The following IL1RAPL2 variants were observed in gnomAD, a reference collection of about 807,000 sequenced individuals.
IL1RAPL2 encodes the protein interleukin 1 receptor accessory protein like 2, also known as X-linked interleukin-1 receptor accessory protein-like 2.
A neutral mutation model predicts 44.1 loss-of-function variants in IL1RAPL2; 3 were observed. That is an observed-to-expected ratio of 0.07 (90% CI 0.03 to 0.18). The LOEUF (loss-of-function observed/expected upper bound fraction) is 0.18. Ranked by LOEUF, IL1RAPL2 falls within the 10% of genes least tolerant of loss-of-function variation. IL1RAPL2 has a pLI of 1.00. For synonymous variants in IL1RAPL2, 181 were observed against 178.8 expected, an observed-to-expected ratio of 1.01 and a Z score of -0.10; for missense variants, 391 against 496.4, an observed-to-expected ratio of 0.79 and a Z score of 2.02.
At chrX:104,952,706 C>T (rs770053568) in intron 2 of IL1RAPL2, among the ~76,000 whole-genome samples, 4 of 111,441 alleles carry the variant, frequency 3.6e-5, no homozygotes, top group Non-Finnish European at 5.7e-5. Flanking sequence ...ATGCATTCAT[C>T]AGCTGATAAA....
At chrX:105,116,678 T>A (rs1163869559) in intron 2 of IL1RAPL2, among the ~76,000 whole-genome samples, 1 of 112,451 alleles carries the variant, frequency 8.9e-6, no homozygotes, top group African/African-American at 3.2e-5. Context: ...GTTTGAAACG[T>A]CCTTTTGTAA....
chrX:104,673,101 A>G (rs1207474041), intron 2 of IL1RAPL2, among the ~76,000 whole-genome samples: 2 of 111,818 alleles, frequency 1.8e-5, no homozygotes, highest in Non-Finnish European at 3.8e-5. Flanking sequence ...CTTTAGCTTA[A>G]TTAGATCCCA....
intron 6 of IL1RAPL2, among the ~76,000 whole-genome samples, chrX:105,506,057 T>G (rs1189404494): frequency 2.7e-5 from 3 of 111,618 alleles, no homozygotes; most frequent in Non-Finnish European, 3.8e-5. Context: ...ACATGTTTCT[T>G]GTCTTTAAGA....
intron 1 of IL1RAPL2, among the ~76,000 whole-genome samples, chrX:104,650,214 CT>C (rs1479867833): frequency 2.7e-5 from 3 of 111,276 alleles, no homozygotes; most frequent in African/African-American, 9.8e-5. Flanking sequence ...GGGGAAGACT[CT>C]TTTTAGGAAA....
At chrX:104,721,383 C>G (rs777525488) in intron 2 of IL1RAPL2, among the ~76,000 whole-genome samples, 19 of 110,345 alleles carry the variant, frequency 1.7e-4, no homozygotes, top group African/African-American at 6.3e-4. Context: ...TTTGCAGGGA[C>G]ACAGATGGAG....
At chrX:105,110,001 A>G (rs907179234) in intron 2 of IL1RAPL2, among the ~76,000 whole-genome samples, 8 of 112,037 alleles carry the variant, frequency 7.1e-5, no homozygotes. Flanking sequence ...GAGATTATGT[A>G]ATTCAACTAT....
At chrX:105,637,645 C>T (rs2037534045) in intron 6 of IL1RAPL2, among the ~76,000 whole-genome samples, 2 of 109,937 alleles carry the variant, frequency 1.8e-5, no homozygotes, top group Non-Finnish European at 3.8e-5. Flanking sequence ...ATAGCAAAGA[C>T]TCAACTTGAA....
intron 2 of IL1RAPL2, among the ~76,000 whole-genome samples, chrX:105,021,309 A>C (rs2031278427): frequency 1.8e-5 from 2 of 111,387 alleles, no homozygotes; most frequent in Non-Finnish European, 3.8e-5. Context: ...GGGTCAGGGA[A>C]AATTACACTG....
chrX:105,453,705 A>G (rs1282243490), intron 5 of IL1RAPL2, among the ~76,000 whole-genome samples: 6 of 112,024 alleles, frequency 5.4e-5, no homozygotes. Context: ...TAGGGCAAGG[A>G]AAATAGTCAT....
intron 6 of IL1RAPL2, among the ~76,000 whole-genome samples, chrX:105,502,088 TA>T (rs1291425787): frequency 1.8e-5 from 2 of 112,183 alleles, no homozygotes; most frequent in African/African-American, 6.5e-5. Flanking sequence ...GAATATTGTC[TA>T]AAACAAAAGC....
At chrX:105,524,973 T>C (rs988859761) in intron 6 of IL1RAPL2, among the ~76,000 whole-genome samples, 1 of 111,619 alleles carries the variant, frequency 9.0e-6, no homozygotes, top group Non-Finnish European at 1.9e-5. Context: ...TTAGCTGTAA[T>C]AGTATCATGA....
chrX:105,266,616 A>C (rs1474165793), intron 4 of IL1RAPL2, among the ~76,000 whole-genome samples: 1 of 112,011 alleles, frequency 8.9e-6, no homozygotes, highest in Non-Finnish European at 1.9e-5. Flanking sequence ...CAATCTTGGT[A>C]GCAAGATTCC....
At chrX:105,059,425 A>G (rs1040810813) in intron 2 of IL1RAPL2, among the ~76,000 whole-genome samples, 2 of 112,177 alleles carry the variant, frequency 1.8e-5, no homozygotes, top group East Asian at 5.6e-4. Flanking sequence ...ATGACCTCCA[A>G]TTTCATCCAT....
At chrX:105,658,682 G>T (rs1307501511) in intron 6 of IL1RAPL2, among the ~76,000 whole-genome samples, 1 of 109,013 alleles carries the variant, frequency 9.2e-6, no homozygotes, top group South Asian at 4.0e-4. Flanking sequence ...AAAAATTGCC[G>T]AGGTGTGGTG....
intron 2 of IL1RAPL2, among the ~76,000 whole-genome samples, chrX:104,797,569 G>A (rs1382096190): frequency 8.9e-6 from 1 of 111,829 alleles, no homozygotes; most frequent in Non-Finnish European, 1.9e-5. Context: ...GTTTAACTTT[G>A]TTTAATCTAG....
At chrX:105,616,291 G>A (rs1453452085) in intron 6 of IL1RAPL2, among the ~76,000 whole-genome samples, 2 of 111,521 alleles carry the variant, frequency 1.8e-5, no homozygotes, top group African/African-American at 6.5e-5. Flanking sequence ...GTATATGGGT[G>A]TTCTTGGTAC....
At chrX:104,790,578 AT>A (rs377511501) in intron 2 of IL1RAPL2, among the ~76,000 whole-genome samples, 250 of 105,430 alleles carry the variant, frequency 2.4e-3, no homozygotes, top group South Asian at 0.013. Flanking sequence ...TTTGTGAAAC[AT>A]TTTTTTTTTT....
chrX:104,908,508 A>G (rs1253424494), intron 2 of IL1RAPL2, among the ~76,000 whole-genome samples: 6 of 111,075 alleles, frequency 5.4e-5, no homozygotes, highest in South Asian at 7.6e-4. Context: ...GGTGGTGACA[A>G]AATCTCTCAG....
chrX:105,608,000 A>G (rs747316089), intron 6 of IL1RAPL2, among the ~76,000 whole-genome samples: 29 of 111,261 alleles, frequency 2.6e-4, no homozygotes, highest in Admixed American at 1.1e-3. Context: ...CAGAGAAAGA[A>G]GAGAGCTCTG....
Sources: gnomAD v4.1 joint callset for allele counts (sites outside exome capture counted in the v4.1 genomes callset) on GRCh38, gnomAD v4.1.1 for gene constraint, MANE v1.5 for transcripts, NCBI Gene and HGNC (gene_info 2026-07-23, HGNC 2026-07-21) for gene names.